CADPS2: variants seen among roughly 807,000 people sequenced by gnomAD.
The protein encoded by CADPS2 is calcium-dependent secretion activator 2.
CADPS2 carries 93 observed loss-of-function variants against 172.5 expected under a neutral mutation model. The observed-to-expected ratio is 0.54, with a 90% CI of 0.46 to 0.64. The LOEUF is 0.64. Ranked by LOEUF, CADPS2 falls within the 30% of genes least tolerant of loss-of-function variation. CADPS2 has a pLI of 0.00. For missense variants in CADPS2, 1,420 were observed against 1,565.9 expected, an observed-to-expected ratio of 0.91 and a Z score of 1.57; for synonymous variants, 546 against 555.2, an observed-to-expected ratio of 0.98 and a Z score of 0.23.
chr7:122,686,269 T>C (rs1423652323), intron 2 of CADPS2, among the ~76,000 whole-genome samples: 3 of 152,208 alleles, frequency 2.0e-5, no homozygotes, highest in Non-Finnish European at 4.4e-5. Flanking sequence ...AAACCAGTAC[T>C]GGGAGAGGAA....
At chr7:122,347,487 C>A (rs1204677946) in intron 27 of CADPS2, among the ~76,000 whole-genome samples, 1 of 152,020 alleles carries the variant, frequency 6.6e-6, no homozygotes, top group African/African-American at 2.4e-5. Flanking sequence ...TAAATATATA[C>A]CACATAAATT....
rs114472493 is a variant in CADPS2 at position 122,615,033 on chromosome 7, C to T, written c.1223+148G>A. ...ACATCATTATCTAGAAAGGGACACA[C>T]TAGTTCTAACACATTTGAGACAAAG... On this transcript the variant is annotated intron_variant, in intron 6 of 29. Transcript: ENST00000449022. The T allele has an allele frequency of 1.8e-3, 795 of 453,006 alleles. 4 individuals are homozygous for T. Among genetic ancestry groups the T allele is most frequent in the African/African-American group, 0.015 (744 of 50,182 alleles). 28.1% of individuals were successfully genotyped at this position (453,006 alleles called of 1,614,324 possible).
intron 28 of CADPS2, among the ~76,000 whole-genome samples, chr7:122,329,137 G>A (rs771287886): frequency 6.6e-6 from 1 of 152,152 alleles, no homozygotes; most frequent in Non-Finnish European, 1.5e-5. Flanking sequence ...GGCTATAAAC[G>A]CTTGCAGTTC....
At chr7:122,547,731 T>TA (rs945933959) in intron 8 of CADPS2, among the ~76,000 whole-genome samples, 25 of 151,688 alleles carry the variant, frequency 1.6e-4, no homozygotes, top group African/African-American at 2.7e-4. Flanking sequence ...AATAAGAGCT[T>TA]AAAAAAAAGA....
At chr7:122,463,987 A>C (rs80145894) in intron 14 of CADPS2, among the ~76,000 whole-genome samples, 8,304 of 152,240 alleles carry the variant, frequency 0.055, 354 homozygotes, top group Non-Finnish European at 0.075. Context: ...GCTCTGTCCA[A>C]CTGAGAGGGC....
intron 1 of CADPS2, among the ~76,000 whole-genome samples, chr7:122,845,409 C>T (rs1811727115): frequency 6.6e-6 from 1 of 152,228 alleles, no homozygotes. Flanking sequence ...GCCAGCAACA[C>T]AAAGCCAGAG....
chr7:122,876,387 G>T (rs1434623444), intron 1 of CADPS2, among the ~76,000 whole-genome samples: 1 of 152,158 alleles, frequency 6.6e-6, no homozygotes. Context: ...TTTGAGACAG[G>T]GTCTCACTTT....
At chr7:122,526,992 A>G (rs947659180) in intron 8 of CADPS2, among the ~76,000 whole-genome samples, 2 of 152,230 alleles carry the variant, frequency 1.3e-5, no homozygotes, top group Non-Finnish European at 2.9e-5. Flanking sequence ...TGTCATTAGG[A>G]ACAATTGTAA....
intron 14 of CADPS2, among the ~76,000 whole-genome samples, chr7:122,456,045 T>C (rs1237681627): frequency 2.6e-5 from 4 of 152,272 alleles, no homozygotes; most frequent in Admixed American, 6.5e-5. Context: ...ACAGAAAATT[T>C]TGTGAAAAGC....
At chr7:122,598,035 G>A (rs1227682324) in intron 6 of CADPS2, among the ~76,000 whole-genome samples, 1 of 151,930 alleles carries the variant, frequency 6.6e-6, no homozygotes, top group East Asian at 1.9e-4. Context: ...TTGTTGCCTA[G>A]TTAGGTATTT....
intron 1 of CADPS2, among the ~76,000 whole-genome samples, chr7:122,779,719 G>T (rs1391403359): frequency 6.6e-6 from 1 of 152,110 alleles, no homozygotes. Flanking sequence ...AAAGCCCACT[G>T]CAGGAAATCA....
At chr7:122,859,902 A>G (rs751834591) in intron 1 of CADPS2, among the ~76,000 whole-genome samples, 21 of 152,040 alleles carry the variant, frequency 1.4e-4, no homozygotes, top group Non-Finnish European at 2.9e-5. Context: ...ATGGATGTGG[A>G]GGGCCAACTG....
chr7:122,826,639 A>G (rs1804966737), intron 1 of CADPS2, among the ~76,000 whole-genome samples: 1 of 152,198 alleles, frequency 6.6e-6, no homozygotes, highest in Admixed American at 6.5e-5. Flanking sequence ...AAAAAAAATA[A>G]GAAATTTTAG....
intron 8 of CADPS2, among the ~76,000 whole-genome samples, chr7:122,547,930 C>T (rs1017131812): frequency 6.6e-6 from 1 of 152,144 alleles, no homozygotes; most frequent in Non-Finnish European, 1.5e-5. Flanking sequence ...ACTAGTCTCT[C>T]TCACTGATTC....
At position 122,658,342 on chromosome 7, in the gene CADPS2, A is replaced by C. The variant is rs578127420; in HGVS notation, c.786+4895T>G. On this transcript the variant is annotated intron_variant, in intron 3 of 29. Transcript: ENST00000449022. ...TGAAAGACAGTGTGGCAATTCCTCA[A>C]GGATCTAGAACTAGAAATACCATTC... is the stretch of plus-strand genomic sequence containing the variant. Among the ~76,000 whole-genome samples, 98 of 145,104 alleles carry C rather than the reference A, an allele frequency of 6.8e-4. 1 individual carries two copies. Among genetic ancestry groups the C allele is most frequent in the African/African-American group, 2.4e-3 (94 of 39,528 alleles).
At chr7:122,418,117 C>G (rs1035165151) in intron 17 of CADPS2, among the ~76,000 whole-genome samples, 1 of 151,610 alleles carries the variant, frequency 6.6e-6, no homozygotes, top group Non-Finnish European at 1.5e-5. Context: ...TTGCAGTGAG[C>G]CAATATCACA....
intron 19 of CADPS2, 95 bp downstream of exon 19, chr7:122,413,973 C>T (rs2047601916): frequency 9.2e-7 from 1 of 1,082,822 alleles, no homozygotes. Context: ...GACTAATTGG[C>T]TTTAAAATGG....
intron 11 of CADPS2, among the ~76,000 whole-genome samples, chr7:122,481,826 C>CA (rs1395300016): frequency 6.6e-6 from 1 of 152,138 alleles, no homozygotes; most frequent in Non-Finnish European, 1.5e-5. Context: ...GCCTGGCCAA[C>CA]ATGGAGAAAC....
intron 2 of CADPS2, among the ~76,000 whole-genome samples, chr7:122,730,450 A>G (rs2091531653): frequency 6.6e-6 from 1 of 151,806 alleles, no homozygotes; most frequent in African/African-American, 2.4e-5. Context: ...AATTTATCCA[A>G]GATAATAAAC....
Sources: allele counts gnomAD v4.1 joint callset (sites outside exome capture counted in the v4.1 genomes callset), GRCh38; gene constraint gnomAD v4.1.1; transcripts MANE v1.5; gene names NCBI Gene and HGNC (gene_info 2026-07-23, HGNC 2026-07-21).